FRK: variants seen among roughly 807,000 people sequenced by gnomAD.
FRK encodes fyn related Src family tyrosine kinase, also known as tyrosine-protein kinase FRK.
FRK carries 51 observed loss-of-function variants against 56.4 expected under a neutral mutation model. The observed-to-expected ratio is 0.90, with a 90% CI of 0.72 to 1.14. FRK has a LOEUF of 1.14. FRK is among the 50% of genes most tolerant of loss of function. The probability of loss-of-function intolerance (pLI) is 0.00; values close to 1 mark genes in which losing one functional copy is unlikely to be tolerated. For synonymous variants in FRK, 245 were observed against 217.9 expected, an observed-to-expected ratio of 1.12 and a Z score of -1.10; for missense variants, 570 against 601.4, an observed-to-expected ratio of 0.95 and a Z score of 0.55.
At chr6:116,085,505 T>A in the FRK span, among the ~76,000 whole-genome samples, 1 of 152,266 alleles carries the variant, frequency 6.6e-6, no homozygotes, top group Non-Finnish European at 1.5e-5. Flanking sequence ...GAACTTCTTG[T>A]CACAAACATT....
At chr6:115,982,636 G>A (rs1774243100) in intron 2 of FRK, among the ~76,000 whole-genome samples, 2 of 152,080 alleles carry the variant, frequency 1.3e-5, no homozygotes, top group African/African-American at 4.8e-5. Context: ...ATTCAGGAGT[G>A]AACCAGGTGA....
chr6:116,084,011 G>A, the FRK span, among the ~76,000 whole-genome samples: 15 of 152,056 alleles, frequency 9.9e-5, 1 homozygote, highest in South Asian at 2.9e-3. Context: ...ATAAAAGTTC[G>A]GTCAATATCT....
At chr6:116,065,957 A>G in the FRK span, among the ~76,000 whole-genome samples, 1 of 152,178 alleles carries the variant, frequency 6.6e-6, no homozygotes, top group East Asian at 1.9e-4. Context: ...TATGTCTTAT[A>G]TTTCTCTGTA....
intron 1 of FRK, among the ~76,000 whole-genome samples, chr6:116,016,377 T>C (rs1417107215): frequency 1.3e-5 from 2 of 152,228 alleles, no homozygotes; most frequent in African/African-American, 2.4e-5. Flanking sequence ...GTTAAGGTAA[T>C]GGATATTCCA....
At chr6:116,024,513 G>C (rs1322561018) in intron 1 of FRK, among the ~76,000 whole-genome samples, 1 of 151,640 alleles carries the variant, frequency 6.6e-6, no homozygotes, top group Non-Finnish European at 1.5e-5. Flanking sequence ...AGAATATGCG[G>C]TGTTTGGTTT....
At chr6:115,980,750 A>C (rs546418) in intron 2 of FRK, among the ~76,000 whole-genome samples, 150,096 of 152,206 alleles carry the variant, frequency 0.99, 74,042 homozygotes, top group East Asian at 1. Context: ...TCCATAAAGA[A>C]CTCATGAACT....
the FRK span, among the ~76,000 whole-genome samples, chr6:116,077,553 T>C: frequency 6.6e-6 from 1 of 152,216 alleles, no homozygotes; most frequent in Non-Finnish European, 1.5e-5. Flanking sequence ...AAAATATGGC[T>C]TCTCTCCTCT....
chr6:116,016,664 A>G (rs1775667217), intron 1 of FRK, among the ~76,000 whole-genome samples: 1 of 152,140 alleles, frequency 6.6e-6, no homozygotes, highest in East Asian at 1.9e-4. Flanking sequence ...CAGGGAGTCA[A>G]GGTGTGAGAC....
Position 115,933,428 on chromosome 6 carries a change from A to G in FRK, c.*8986T>C, listed in dbSNP as rs768540370. The G allele has an allele frequency of 2.6e-5, 4 of 152,214 alleles. No homozygotes were observed. The highest frequency in any genetic ancestry group is 4.8e-5 in the African/African-American group (2 of 41,458). 9.4% of individuals were successfully genotyped at this position (152,214 alleles called of 1,614,324 possible). On this transcript the variant is annotated 3_prime_UTR_variant, in exon 8 of 8. Transcript: ENST00000606080. ...TTAAAAAAATCTATTACTGTTTCTC[A>G]TAACTGAATCCATTATTTTTCTCCA...
chr6:115,995,929 A>C (rs3798233), intron 2 of FRK, among the ~76,000 whole-genome samples: 58,450 of 152,056 alleles, frequency 0.38, 12,371 homozygotes, highest in East Asian at 0.78. Flanking sequence ...TAGCTGAACA[A>C]AACTAAATTA....
At chr6:116,061,900 C>T (rs1777636789), upstream of FRK, among the ~76,000 whole-genome samples, 1 of 143,644 alleles carries the variant, frequency 7.0e-6, no homozygotes, top group Admixed American at 7.2e-5. Context: ...AATTGCAAGG[C>T]ATTTAGTAAT....
chr6:116,038,355 A>T (rs1327701661), intron 1 of FRK, among the ~76,000 whole-genome samples: 1 of 152,178 alleles, frequency 6.6e-6, no homozygotes, highest in Non-Finnish European at 1.5e-5. Flanking sequence ...CATGTATTAG[A>T]GTAGGCTAAA....
rs1451574952 is a variant in FRK at position 115,936,693 on chromosome 6, T to C, written c.*5721A>G. 1 of 151,946 alleles carries C rather than the reference T, an allele frequency of 6.6e-6. No homozygotes were observed. The highest frequency in any genetic ancestry group is 1.5e-5 in the Non-Finnish European group (1 of 67,990). 9.4% of individuals were successfully genotyped at this position (151,946 alleles called of 1,614,324 possible). On this transcript the variant is annotated 3_prime_UTR_variant, in exon 8 of 8. Coordinates refer to ENST00000606080, the MANE Select transcript of FRK (RefSeq NM_002031.3). ...TTCATGAAGCATACACAATTATCAA[T>C]AGCCAAGTCGATAAAGCACAAGAAA...
the FRK span, among the ~76,000 whole-genome samples, chr6:116,077,246 C>T: frequency 6.6e-6 from 1 of 152,166 alleles, no homozygotes; most frequent in African/African-American, 2.4e-5. Flanking sequence ...AAGAACCAAG[C>T]AGGAATTAGT....
upstream of FRK, among the ~76,000 whole-genome samples, chr6:116,064,507 G>A (rs1376491953): frequency 6.6e-6 from 1 of 152,150 alleles, no homozygotes; most frequent in African/African-American, 2.4e-5. Context: ...AAACAATTGG[G>A]GAGAGATAAA....
At chr6:116,086,715 T>C in the FRK span, among the ~76,000 whole-genome samples, 67 of 152,364 alleles carry the variant, frequency 4.4e-4, no homozygotes, top group African/African-American at 1.6e-3. Flanking sequence ...TGGGTGCCTA[T>C]GGCCTCTGAA....
chr6:115,937,867 C>T lies in FRK; in HGVS notation c.*4547G>A, dbSNP rs1177690917. On this transcript the variant is annotated 3_prime_UTR_variant, in exon 8 of 8. Coordinates refer to ENST00000606080, the MANE Select transcript of FRK (RefSeq NM_002031.3). ...CTACAAAGAGACTTAGACTCCCACACAATAATAGTGGGAAATTTTAACAGC... is the reference window on the plus strand; with the variant it reads ...CTACAAAGAGACTTAGACTCCCACATAATAATAGTGGGAAATTTTAACAGC... 6.6e-6 allele frequency: 1 copy of T among 152,142 alleles called. No individual in the cohort carries two copies. The highest frequency in any genetic ancestry group is 2.4e-5 in the African/African-American group (1 of 41,416). The allele number at this position is 152,142 out of a possible 1,614,324, so 9.4% of individuals were successfully genotyped here.
chr6:116,062,420 G>T (rs569481135), upstream of FRK, among the ~76,000 whole-genome samples: 130 of 150,386 alleles, frequency 8.6e-4, no homozygotes, highest in African/African-American at 3.0e-3. Context: ...CAGAGGCACA[G>T]ATGCTGAAGT....
Position 116,010,106 on chromosome 6 carries a change from C to T in FRK, c.345-6108G>A, listed in dbSNP as rs138794175. 4.9e-3 allele frequency among the ~76,000 whole-genome samples: 752 copies of T among 151,980 alleles called. 3 individuals are homozygous for T. The highest frequency in any genetic ancestry group is 0.017 in the African/African-American group (710 of 41,432). On this transcript the variant is annotated intron_variant, in intron 1 of 7. Coordinates refer to ENST00000606080, the MANE Select transcript of FRK (RefSeq NM_002031.3). ...CAGGCGTGGTGGGCACCTGTAGTCC[C>T]AGCTACTCGGGAGGCTGAGGCAGGA... is the stretch of plus-strand genomic sequence containing the variant.
Sources: allele counts gnomAD v4.1 joint callset (sites outside exome capture counted in the v4.1 genomes callset), GRCh38; gene constraint gnomAD v4.1.1; transcripts MANE v1.5; gene names NCBI Gene and HGNC (gene_info 2026-07-23, HGNC 2026-07-21).